ATP6V1B2: variants seen among roughly 807,000 people sequenced by gnomAD.
ATP6V1B2 encodes V-type proton ATPase subunit B, brain isoform.
A neutral mutation model predicts 66.7 loss-of-function variants in ATP6V1B2; 23 were observed. The observed-to-expected ratio is 0.34, with a 90% confidence interval of 0.25 to 0.49. ATP6V1B2 has a LOEUF of 0.49. Among genes scored for constraint, ATP6V1B2 ranks in the 20% least tolerant of loss-of-function variants. The pLI, the probability that ATP6V1B2 is intolerant of heterozygous loss-of-function variation, is 0.99. For missense variants in ATP6V1B2, 478 were observed against 650.8 expected (o/e 0.73, Z 2.89); for synonymous variants, 278 against 236.7 (o/e 1.17, Z -1.60).
chr8:20,219,369 C>CT (rs1366399354), intron 13 of ATP6V1B2, among the ~76,000 whole-genome samples: 43 of 152,116 alleles, frequency 2.8e-4, no homozygotes, highest in Non-Finnish European at 5.4e-4. Flanking sequence ...AAATATATTA[C>CT]TAATTTTATT....
In ATP6V1B2 at chr8:20,203,222, A is replaced by G. The variant is rs546139802; in HGVS notation, c.137-1262A>G. Among the ~76,000 whole-genome samples the G allele has an allele frequency of 7.2e-5, 11 of 152,244 alleles. No individual in the cohort carries two copies. The South Asian group carries it at 1.0e-3, about 14-fold the overall frequency. The stretch of plus-strand genomic sequence containing the variant: ...AATACAGTTCAGTTGGGGGGCCTCT[A>G]TTGAGACAGTTGCAGTACAATTACT... On this transcript the variant is annotated intron_variant, in intron 1 of 13. Coordinates refer to ENST00000276390, the MANE Select transcript of ATP6V1B2 (RefSeq NM_001693.4).
intron 1 of ATP6V1B2, among the ~76,000 whole-genome samples, chr8:20,198,439 G>A (rs78123926): frequency 1.3e-5 from 2 of 152,326 alleles, no homozygotes; most frequent in East Asian, 3.9e-4. Flanking sequence ...TAATGAACTA[G>A]GTTTAAGTGG....
chr8:20,217,297 G>A lies in ATP6V1B2; in HGVS notation c.1239G>A (p.Lys413=). Residue 413 remains lysine (K), a synonymous_variant, in exon 12 of 14, where the codon AAG becomes AAA. Coordinates refer to ENST00000276390, the MANE Select transcript of ATP6V1B2 (RefSeq NM_001693.4). ...CTATTGGAGAAGGGATGACCAGGAA[G>A]GATCATGCCGATGTATCTAACCAGC... The part of the protein sequence containing the change: ...KSAIGEGMTR[K]DHADVSNQLY... The A allele has an allele frequency of 6.2e-7, 1 of 1,612,522 alleles. No homozygotes were observed. The highest frequency in any genetic ancestry group is 8.5e-7 in the Non-Finnish European group (1 of 1,178,696).
chr8:20,220,130 T>G, intron 13 of ATP6V1B2, 133 bp from the exon 14 acceptor site: 1 of 879,066 alleles, frequency 1.1e-6, no homozygotes, highest in South Asian at 2.1e-5. Context: ...CCTTCTCATT[T>G]AGTCTTGGGA....
intron 11 of ATP6V1B2, 112 bp from the exon 12 acceptor site, chr8:20,217,108 C>G: frequency 1.2e-6 from 1 of 860,982 alleles, no homozygotes; most frequent in East Asian, 2.6e-5. Context: ...ACAAATGCAG[C>G]GGTTGTCTTT....
chr8:20,216,698 T>A, intron 11 of ATP6V1B2: 1 of 458,320 alleles, frequency 2.2e-6, no homozygotes, highest in Non-Finnish European at 3.9e-6. Context: ...CTTAACACTT[T>A]CCTTTATTGT....
At chr8:20,213,201 G>A (rs974986179) in intron 9 of ATP6V1B2, 9 of 331,718 alleles carry the variant, frequency 2.7e-5, no homozygotes, top group African/African-American at 1.1e-4. Flanking sequence ...TTACTCTCTC[G>A]GGAAGTTCTG....
In ATP6V1B2 at chr8:20,197,430, G is replaced by C. The variant is rs746431723; in HGVS notation, c.24G>C (p.Gly8=). 8 of 1,546,758 alleles carry C rather than the reference G, an allele frequency of 5.2e-6. No homozygotes were observed. The highest frequency in any genetic ancestry group is 1.7e-6 in the Non-Finnish European group (2 of 1,148,002). The change falls in exon 1 of 14, where the codon GGG becomes GGC. Residue 8 remains glycine (G), a synonymous_variant. Coordinates refer to ENST00000276390, the MANE Select transcript of ATP6V1B2 (RefSeq NM_001693.4). MALRAMR[G]IVNGAAPELP... Reference sequence around the variant, plus strand: ...AGATGGCGCTGCGGGCGATGCGGGGGATTGTCAACGGGGCCGCACCCGAGC... The same window carrying C: ...AGATGGCGCTGCGGGCGATGCGGGGCATTGTCAACGGGGCCGCACCCGAGC...
At position 20,216,474 on chromosome 8, in the gene ATP6V1B2, C is replaced by G. The variant is rs141260471; in HGVS notation, c.1140C>G (p.Asp380Glu). The G allele has an allele frequency of 4.8e-5, 78 of 1,613,196 alleles. No individual in the cohort carries two copies. The highest frequency in any genetic ancestry group is 6.3e-5 in the Non-Finnish European group (74 of 1,179,464). Residue 380 changes from aspartate to glutamate, a missense_variant, in exon 11 of 14, where the codon GAC becomes GAG. Coordinates refer to ENST00000276390, the MANE Select transcript of ATP6V1B2 (RefSeq NM_001693.4). Reference protein sequence around the residue: ...GYITEGQIYVDRQLHNRQIYP... With the variant: ...GYITEGQIYVERQLHNRQIYP... ...TTACAGAGGGGCAGATCTATGTGGA[C>G]AGACAGCTGCACAACAGACAGGTAC...
chr8:20,208,535 G>C (rs756461978), intron 2 of ATP6V1B2, among the ~76,000 whole-genome samples: 1 of 151,962 alleles, frequency 6.6e-6, no homozygotes, highest in South Asian at 2.1e-4. Flanking sequence ...AACAAATTGC[G>C]GAGTGATTAG....
At chr8:20,218,116 G>T in intron 12 of ATP6V1B2, 37 bp from the exon 13 acceptor site, 1 of 1,603,548 alleles carries the variant, frequency 6.2e-7, no homozygotes, top group Non-Finnish European at 8.5e-7. Flanking sequence ...CATTTTGAGA[G>T]CTTCTCTCTG....
chr8:20,213,127 C>T (rs1355935231), intron 9 of ATP6V1B2: 12 of 501,832 alleles, frequency 2.4e-5, no homozygotes, highest in Non-Finnish European at 4.2e-5. Context: ...ATCATACTGT[C>T]ACTATCTCCA....
chr8:20,208,252 T>C (rs2072757840), intron 2 of ATP6V1B2, among the ~76,000 whole-genome samples: 1 of 152,184 alleles, frequency 6.6e-6, no homozygotes, highest in Admixed American at 6.5e-5. Context: ...TCTGTGCTAG[T>C]GTAAATTTGG....
rs149491003 is a variant in ATP6V1B2 at position 20,220,283 on chromosome 8, G to A, written c.1417G>A (p.Val473Ile). 108 of 1,600,164 alleles carry A rather than the reference G, an allele frequency of 6.7e-5. No individual in the cohort carries two copies. Among genetic ancestry groups the A allele is most frequent in the Non-Finnish European group, 8.9e-5 (105 of 1,176,514 alleles). The change falls in exon 14 of 14, where the codon GTC becomes ATC. Residue 473 changes from valine to isoleucine, a missense_variant. Physicochemically the swap from Val to Ile is conservative, Grantham distance 29. Coordinates refer to ENST00000276390, the MANE Select transcript of ATP6V1B2 (RefSeq NM_001693.4). ...IAQGPYENRT[V>I]FETLDIGWQL... The stretch of plus-strand genomic sequence containing the variant: ...TTAAGGTCCTTACGAAAATCGCACT[G>A]TCTTTGAGACTTTGGACATTGGCTG...
intron 13 of ATP6V1B2, among the ~76,000 whole-genome samples, chr8:20,218,924 C>G (rs937421348): frequency 1.3e-5 from 2 of 152,148 alleles, no homozygotes; most frequent in Non-Finnish European, 2.9e-5. Context: ...TAGCAGTGCC[C>G]TTTCAATTTT....
chr8:20,214,908 C>A lies in ATP6V1B2; in HGVS notation c.1018C>A (p.Arg340=), dbSNP rs2072836775. The stretch of plus-strand genomic sequence containing the variant: ...AGCCACGATATATGAACGCGCTGGG[C>A]GAGTGGAAGGGAGAAACGGCTCGAT... ...DLATIYERAG[R]VEGRNGSITQ... The change falls in exon 10 of 14, where the codon CGA becomes AGA. Residue 340 remains arginine, a synonymous_variant. Coordinates refer to ENST00000276390, the MANE Select transcript of ATP6V1B2 (RefSeq NM_001693.4). 6.2e-7 allele frequency: 1 copy of A among 1,613,278 alleles called. No individual in the cohort carries two copies. Among genetic ancestry groups the A allele is most frequent in the Non-Finnish European group, 8.5e-7 (1 of 1,179,652 alleles).
intron 2 of ATP6V1B2, among the ~76,000 whole-genome samples, chr8:20,206,945 A>G (rs1351615062): frequency 6.6e-6 from 1 of 152,206 alleles, no homozygotes; most frequent in Non-Finnish European, 1.5e-5. Flanking sequence ...CGCCATCATC[A>G]TTTCTTGATA....
At chr8:20,207,182 A>G (rs917789870) in intron 2 of ATP6V1B2, among the ~76,000 whole-genome samples, 21 of 152,240 alleles carry the variant, frequency 1.4e-4, no homozygotes, top group South Asian at 2.1e-4. Flanking sequence ...ATTCTCCCCA[A>G]TTAACACAAT....
intron 13 of ATP6V1B2, 38 bp downstream of exon 13, chr8:20,218,320 A>G (rs6994629): frequency 1.9e-6 from 3 of 1,594,654 alleles, no homozygotes; most frequent in Non-Finnish European, 1.7e-6. Context: ...AAAAAGCCTC[A>G]TATGTAATTT....
Sources: allele counts gnomAD v4.1 joint callset (sites outside exome capture counted in the v4.1 genomes callset), GRCh38; gene constraint gnomAD v4.1.1; transcripts MANE v1.5; gene names NCBI Gene and HGNC (gene_info 2026-07-23, HGNC 2026-07-21).